The following GRIN2B variants were observed in gnomAD, a reference collection of about 807,000 sequenced individuals.
The protein encoded by GRIN2B is glutamate ionotropic receptor NMDA type subunit 2B.
In GRIN2B, 5 loss-of-function variants were observed where a neutral mutation model predicts 114.5. The observed-to-expected ratio is 0.04, with a 90% CI of 0.02 to 0.09. GRIN2B has a LOEUF of 0.09. Among genes scored for constraint, GRIN2B ranks in the 10% least tolerant of loss-of-function variants. The pLI is 1.00. For missense variants in GRIN2B, 1,108 were observed against 1,943.5 expected (o/e 0.57, Z 8.08); for synonymous variants, 787 against 745.1 (o/e 1.06, Z -0.92).
intron 5 of GRIN2B, among the ~76,000 whole-genome samples, chr12:13,661,665 A>T (rs1350404083): frequency 6.6e-6 from 1 of 152,148 alleles, no homozygotes; most frequent in African/African-American, 2.4e-5. Context: ...CAGTGTCTGC[A>T]GGGGCTAGGT....
intron 2 of GRIN2B, among the ~76,000 whole-genome samples, chr12:13,961,083 CTTTT>C (rs532043399): frequency 5.5e-5 from 8 of 145,176 alleles, no homozygotes; most frequent in African/African-American, 1.8e-4. Context: ...ATTCTGACGA[CTTTT>C]TTTTTTTTTA....
chr12:13,834,272 C>T (rs1348547136), intron 3 of GRIN2B, among the ~76,000 whole-genome samples: 2 of 149,100 alleles, frequency 1.3e-5, no homozygotes, highest in Admixed American at 6.7e-5. Context: ...CTCCTGACCT[C>T]GTGATCCACC....
At chr12:13,704,424 C>T (rs746360219) in intron 4 of GRIN2B, among the ~76,000 whole-genome samples, 77 of 152,154 alleles carry the variant, frequency 5.1e-4, no homozygotes, top group Non-Finnish European at 8.1e-4. Context: ...TATCTTTTAA[C>T]GACTCAAACC....
At chr12:13,666,532 T>A (rs1263842396) in intron 5 of GRIN2B, among the ~76,000 whole-genome samples, 1 of 152,220 alleles carries the variant, frequency 6.6e-6, no homozygotes, top group Non-Finnish European at 1.5e-5. Flanking sequence ...GTGGGAAATT[T>A]ATGTTCATGG....
At chr12:13,828,001 C>T (rs910849925) in intron 3 of GRIN2B, among the ~76,000 whole-genome samples, 2 of 152,170 alleles carry the variant, frequency 1.3e-5, no homozygotes, top group African/African-American at 4.8e-5. Context: ...TTTTAATATT[C>T]TTTACTAATA....
At chr12:13,836,243 A>C (rs565600968) in intron 3 of GRIN2B, among the ~76,000 whole-genome samples, 22 of 152,140 alleles carry the variant, frequency 1.4e-4, no homozygotes, top group Non-Finnish European at 2.6e-4. Flanking sequence ...AGGAGACTTG[A>C]CGGGCATGTG....
intron 2 of GRIN2B, among the ~76,000 whole-genome samples, chr12:13,931,497 T>A (rs1269771185): frequency 3.3e-5 from 5 of 152,184 alleles, no homozygotes; most frequent in African/African-American, 1.2e-4. Flanking sequence ...CAGGGATTGA[T>A]ACCTGACATT....
intron 5 of GRIN2B, among the ~76,000 whole-genome samples, chr12:13,625,769 A>G (rs1478103716): frequency 6.6e-6 from 1 of 152,202 alleles, no homozygotes; most frequent in Admixed American, 6.5e-5. Flanking sequence ...TGCAAATAAA[A>G]ACAGAAATCA....
intron 2 of GRIN2B, among the ~76,000 whole-genome samples, chr12:13,936,209 A>T (rs1041462741): frequency 1.3e-5 from 2 of 152,198 alleles, no homozygotes; most frequent in African/African-American, 2.4e-5. Flanking sequence ...TGTTAAAGGT[A>T]AAACGCAGTT....
chr12:13,865,730 G>T, intron 3 of GRIN2B, 68 bp downstream of exon 3: 1 of 1,320,180 alleles, frequency 7.6e-7, no homozygotes, highest in South Asian at 1.2e-5. Context: ...AGTTTTACAG[G>T]AAAACAAATG....
chr12:13,840,084 A>G (rs532465371), intron 3 of GRIN2B, among the ~76,000 whole-genome samples: 2 of 152,310 alleles, frequency 1.3e-5, no homozygotes, highest in East Asian at 3.9e-4. Context: ...TCAAAGGGTG[A>G]GGTGTGTTTC....
chr12:13,927,687 C>T (rs547670720), intron 2 of GRIN2B, among the ~76,000 whole-genome samples: 15 of 152,090 alleles, frequency 9.9e-5, no homozygotes, highest in Non-Finnish European at 1.9e-4. Flanking sequence ...TATGCAGTGG[C>T]TCACACCTGT....
intron 2 of GRIN2B, among the ~76,000 whole-genome samples, chr12:13,914,450 G>T (rs1170910795): frequency 6.6e-6 from 1 of 152,130 alleles, no homozygotes; most frequent in African/African-American, 2.4e-5. Context: ...GGAGAAATGG[G>T]AACCCTCACA....
At chr12:13,611,967 TG>T in intron 8 of GRIN2B, 117 bp from the exon 9 acceptor site, 1 of 1,031,394 alleles carries the variant, frequency 9.7e-7, no homozygotes, top group East Asian at 2.4e-5. Context: ...ATGTGTTGTC[TG>T]CCTTCAGGAA....
intron 2 of GRIN2B, among the ~76,000 whole-genome samples, chr12:13,867,145 AAT>A (rs1205122625): frequency 6.6e-6 from 1 of 152,228 alleles, no homozygotes; most frequent in Non-Finnish European, 1.5e-5. Context: ...CAGCTGAAGT[AAT>A]GTTAGAGCCA....
intron 2 of GRIN2B, among the ~76,000 whole-genome samples, chr12:13,917,595 CT>C (rs1555156851): frequency 6.6e-6 from 1 of 152,168 alleles, no homozygotes; most frequent in Non-Finnish European, 1.5e-5. Context: ...GGAAAATTTC[CT>C]GGCATGCCAT....
Position 13,656,569 on chromosome 12 carries a change from A to G in GRIN2B, c.1125+19176T>C, listed in dbSNP as rs11055565. ...TCTGCTCTAGGTTGTTATTACTGAG[A>G]ATTTTACTAAATTTTACTAAAAAGG... On this transcript the variant is annotated intron_variant, in intron 5 of 13. Coordinates refer to ENST00000609686, the MANE Select transcript of GRIN2B (RefSeq NM_000834.5). Among the ~76,000 whole-genome samples, 175 of 152,312 alleles carry G rather than the reference A, an allele frequency of 1.1e-3. 1 individual carries two copies. The East Asian group carries it at 0.03, about 26-fold the overall frequency.
In GRIN2B at chr12:13,939,540, G is replaced by A. The variant is rs961175051; in HGVS notation, c.-19+40388C>T. Among the ~76,000 whole-genome samples, 13 of 103,530 alleles carry A rather than the reference G, an allele frequency of 1.3e-4. No homozygotes were observed. In the South Asian group the frequency reaches 3.6e-3, roughly 28 times the overall value. The allele number at this position is 103,530 out of a possible 152,430, so 67.9% of individuals were successfully genotyped here. A position where few individuals can be genotyped will look rare whatever the true frequency, so the allele number is the denominator to read the frequency against. ...CACCAGAAAGACAGATGCCTGCACC[G>A]TGCTTTTTTTTTTTTTTTTTTTTTT... On this transcript the variant is annotated intron_variant, in intron 2 of 13. Coordinates refer to ENST00000609686, the MANE Select transcript of GRIN2B (RefSeq NM_000834.5).
At chr12:13,817,644 T>G (rs550059110) in intron 3 of GRIN2B, among the ~76,000 whole-genome samples, 2 of 152,258 alleles carry the variant, frequency 1.3e-5, no homozygotes, top group South Asian at 4.2e-4. Flanking sequence ...TTTCAAAAAT[T>G]TGCTGATTGG....
Sources: allele counts gnomAD v4.1 joint callset (sites outside exome capture counted in the v4.1 genomes callset), GRCh38; gene constraint gnomAD v4.1.1; transcripts MANE v1.5; gene names NCBI Gene and HGNC (gene_info 2026-07-23, HGNC 2026-07-21).